Variants in APBB2 observed in about 807,000 individuals in gnomAD.
APBB2 encodes amyloid beta precursor protein binding family B member 2.
APBB2 carries 38 observed loss-of-function variants against 82.5 expected under a neutral mutation model. The ratio of observed to expected loss-of-function variants is 0.46; its 90% CI spans 0.36 to 0.60. The LOEUF is 0.60. Ranked by LOEUF, APBB2 falls within the 20% of genes least tolerant of loss-of-function variation. APBB2 has a pLI of 0.00. For synonymous variants in APBB2, 341 were observed against 368.2 expected (o/e 0.93, Z 0.85); for missense variants, 772 against 972.3 (o/e 0.79, Z 2.74).
intron 12 of APBB2, among the ~76,000 whole-genome samples, chr4:40,854,777 G>A (rs1267641473): frequency 1.5e-4 from 17 of 116,300 alleles, no homozygotes; most frequent in African/African-American, 7.4e-5. Context: ...CGATAAGAGC[G>A]AAAGTCCATC....
intron 5 of APBB2, among the ~76,000 whole-genome samples, chr4:41,030,267 C>G (rs1348247715): frequency 2.6e-5 from 4 of 152,166 alleles, no homozygotes; most frequent in Non-Finnish European, 5.9e-5. Context: ...CCCAACATAA[C>G]ACCTGGCAGA....
chr4:41,025,443 T>C (rs1410430343), intron 5 of APBB2, among the ~76,000 whole-genome samples: 1 of 152,012 alleles, frequency 6.6e-6, no homozygotes. Context: ...TGGAAAGCAG[T>C]GTGGCGATTT....
intron 6 of APBB2, among the ~76,000 whole-genome samples, chr4:40,960,860 T>C (rs570204969): frequency 6.6e-6 from 1 of 152,180 alleles, no homozygotes; most frequent in South Asian, 2.1e-4. Context: ...AAACGCTACA[T>C]TTCCCAGCCT....
chr4:40,838,129 A>C (rs975682316), intron 12 of APBB2, among the ~76,000 whole-genome samples: 1 of 144,258 alleles, frequency 6.9e-6, no homozygotes, highest in African/African-American at 2.6e-5. Context: ...TTCTTTATTC[A>C]AGTGGGCATT....
chr4:40,822,297 TC>T, intron 16 of APBB2: 2 of 468,144 alleles, frequency 4.3e-6, no homozygotes, highest in Non-Finnish European at 7.7e-6. Flanking sequence ...GGTCCCATTC[TC>T]CATTATGCTA....
chr4:40,956,824 A>G (rs1578737300), intron 6 of APBB2, among the ~76,000 whole-genome samples: 2 of 152,336 alleles, frequency 1.3e-5, no homozygotes, highest in South Asian at 2.1e-4. Context: ...TGGGCTTTTT[A>G]ACATTACATA....
chr4:40,903,497 G>T (rs1386511797), intron 10 of APBB2, among the ~76,000 whole-genome samples: 1 of 152,088 alleles, frequency 6.6e-6, no homozygotes, highest in African/African-American at 2.4e-5. Flanking sequence ...AATGATGCAA[G>T]AAACTGATTT....
intron 6 of APBB2, among the ~76,000 whole-genome samples, chr4:40,960,362 G>T (rs1398317475): frequency 6.6e-6 from 1 of 151,230 alleles, no homozygotes; most frequent in African/African-American, 2.4e-5. Flanking sequence ...AGACCCATGG[G>T]GTTAAGATAT....
At chr4:41,067,812 TG>T (rs1732472015) in intron 3 of APBB2, among the ~76,000 whole-genome samples, 1 of 152,106 alleles carries the variant, frequency 6.6e-6, no homozygotes, top group Non-Finnish European at 1.5e-5. Context: ...AGTGAAGTGG[TG>T]GAGGCAGAGA....
At chr4:40,990,964 T>A (rs1801856984) in intron 6 of APBB2, among the ~76,000 whole-genome samples, 1 of 149,500 alleles carries the variant, frequency 6.7e-6, no homozygotes, top group Non-Finnish European at 1.5e-5. Flanking sequence ...GGGGTAAGAT[T>A]TACTCTGCTA....
rs867123796 is a variant in APBB2 at position 41,049,385 on chromosome 4, C to T, written c.-50-16081G>A. 7.5e-5 allele frequency among the ~76,000 whole-genome samples: 11 copies of T among 147,130 alleles called. No homozygotes were observed. In the South Asian group the frequency reaches 8.9e-4, roughly 12 times the overall value. On this transcript the variant is annotated intron_variant, in intron 4 of 17. Coordinates refer to ENST00000508593, the MANE Select transcript of APBB2 (RefSeq NM_004307.2). ...GTCCGGGAGGTGGGGGGTCAGCCCC[C>T]GCCCAGCCAGCCCTCCCCTCCGGGA... is the stretch of plus-strand genomic sequence containing the variant.
intron 6 of APBB2, among the ~76,000 whole-genome samples, chr4:41,012,962 A>ATTCT (rs1808816536): frequency 6.6e-6 from 1 of 152,234 alleles, no homozygotes; most frequent in African/African-American, 2.4e-5. Flanking sequence ...AAGTCCAGAA[A>ATTCT]GACTGGTCTC....
intron 2 of APBB2, among the ~76,000 whole-genome samples, chr4:41,135,288 T>G (rs924230419): frequency 6.6e-6 from 1 of 152,150 alleles, no homozygotes; most frequent in Non-Finnish European, 1.5e-5. Context: ...AAAACTATAT[T>G]CTTTCATCCT....
chr4:40,879,588 T>A (rs1489981875), intron 12 of APBB2, among the ~76,000 whole-genome samples: 1 of 152,212 alleles, frequency 6.6e-6, no homozygotes, highest in African/African-American at 2.4e-5. Context: ...GAACTAGAGA[T>A]AATTTCTAGA....
At chr4:41,049,121 C>T (rs1724650513) in intron 4 of APBB2, among the ~76,000 whole-genome samples, 2 of 151,166 alleles carry the variant, frequency 1.3e-5, no homozygotes, top group South Asian at 2.1e-4. Flanking sequence ...TGCCTGGCCG[C>T]CCATCGTCTG....
intron 6 of APBB2, among the ~76,000 whole-genome samples, chr4:40,975,625 T>C (rs909761348): frequency 2.0e-5 from 3 of 152,140 alleles, no homozygotes; most frequent in Admixed American, 2.0e-4. Flanking sequence ...CTGTATGAAA[T>C]ACTCCACATG....
At chr4:41,037,978 C>T (rs1719902833) in intron 4 of APBB2, among the ~76,000 whole-genome samples, 1 of 151,956 alleles carries the variant, frequency 6.6e-6, no homozygotes, top group African/African-American at 2.4e-5. Flanking sequence ...TGGCAGGCCA[C>T]TACAAGTTCT....
rs1036323308 is a variant in APBB2, at chr4:41,156,411, C to T, written c.-416-13269G>A. 1.6e-4 allele frequency among the ~76,000 whole-genome samples: 25 copies of T among 152,168 alleles called. 1 individual carries two copies. The highest frequency in any genetic ancestry group is 8.8e-5 in the Non-Finnish European group (6 of 68,030). Reference sequence around the variant, plus strand: ...AAATTATCAGAGTTCCCGAGTACACCGGGGGTCGAGGGAAGAATCTCCATG... The same window carrying T: ...AAATTATCAGAGTTCCCGAGTACACTGGGGGTCGAGGGAAGAATCTCCATG... On this transcript the variant is annotated intron_variant, in intron 1 of 17. Coordinates refer to ENST00000508593, the MANE Select transcript of APBB2 (RefSeq NM_004307.2).
At chr4:41,033,422 C>T in intron 4 of APBB2, 118 bp from the exon 5 acceptor site, 1 of 565,116 alleles carries the variant, frequency 1.8e-6, no homozygotes, top group Non-Finnish European at 2.9e-6. Context: ...CAAATTTTGG[C>T]AGATAATGTC....
Sources: allele counts gnomAD v4.1 joint callset (sites outside exome capture counted in the v4.1 genomes callset), GRCh38; gene constraint gnomAD v4.1.1; transcripts MANE v1.5; gene names NCBI Gene and HGNC (gene_info 2026-07-23, HGNC 2026-07-21).